Variants in NHSL1 observed in about 807,000 individuals in gnomAD.
NHSL1 encodes the protein NHS-like protein 1.
Under a neutral mutation model 95.0 loss-of-function variants are expected in NHSL1, and 48 were observed. The ratio of observed to expected loss-of-function variants is 0.51; its 90% CI spans 0.40 to 0.64. The LOEUF (loss-of-function observed/expected upper bound fraction) is 0.64. NHSL1 is among the 30% of genes least tolerant of loss of function. NHSL1 has a pLI of 0.00. For missense variants in NHSL1, 1,971 were observed against 2,077.7 expected, an observed-to-expected ratio of 0.95 and a Z score of 1.00; for synonymous variants, 783 against 833.9, an observed-to-expected ratio of 0.94 and a Z score of 1.05.
chr6:138,428,785 G>A (rs950886396), intron 7 of NHSL1, among the ~76,000 whole-genome samples: 2 of 151,844 alleles, frequency 1.3e-5, no homozygotes, highest in African/African-American at 2.4e-5. Context: ...CTTTGTTTCA[G>A]GAGGTTAAAA....
At chr6:138,449,163 G>C (rs2128222305) in intron 3 of NHSL1, among the ~76,000 whole-genome samples, 2 of 152,186 alleles carry the variant, frequency 1.3e-5, no homozygotes, top group Non-Finnish European at 1.5e-5. Flanking sequence ...AACTACTAGG[G>C]CTCTATAAAT....
intron 1 of NHSL1, among the ~76,000 whole-genome samples, chr6:138,648,327 G>A (rs1785046134): frequency 7.1e-6 from 1 of 141,204 alleles, no homozygotes; most frequent in African/African-American, 2.7e-5. Context: ...TCATGGCTAT[G>A]TTTTAATAAA....
intron 1 of NHSL1, among the ~76,000 whole-genome samples, chr6:138,646,062 G>T (rs553709510): frequency 6.6e-6 from 1 of 152,162 alleles, no homozygotes; most frequent in Non-Finnish European, 1.5e-5. Context: ...CTTAGTACAA[G>T]TTCTCAAGAA....
chr6:138,449,369 T>C (rs1200346317), intron 3 of NHSL1, among the ~76,000 whole-genome samples: 2 of 152,162 alleles, frequency 1.3e-5, no homozygotes, highest in East Asian at 3.9e-4. Flanking sequence ...TTAAAGTGTC[T>C]ATGACTGTTA....
Position 138,465,710 on chromosome 6 carries a change from C to T in NHSL1, c.339+7596G>A, listed in dbSNP as rs537869936. On this transcript the variant is annotated intron_variant, in intron 3 of 7. Coordinates refer to ENST00000343505, the MANE Select transcript of NHSL1 (RefSeq NM_001144060.2). ...TGCAGCATCTGATATATCTCCTACA[C>T]TTTTTTTTCTTTTCTTTTTTTTTTT... Among the ~76,000 whole-genome samples, 25 of 148,098 alleles carry T rather than the reference C, an allele frequency of 1.7e-4. No individual in the cohort carries two copies. The East Asian group carries it at 4.0e-3, about 24-fold the overall frequency.
chr6:138,687,052 A>G (rs1447548287), intron 1 of NHSL1, among the ~76,000 whole-genome samples: 1 of 152,174 alleles, frequency 6.6e-6, no homozygotes, highest in East Asian at 1.9e-4. Context: ...CCTCTCTAGC[A>G]TGTGGTATGT....
chr6:138,625,798 T>C (rs1052009970), intron 1 of NHSL1, among the ~76,000 whole-genome samples: 1 of 152,034 alleles, frequency 6.6e-6, no homozygotes, highest in Non-Finnish European at 1.5e-5. Flanking sequence ...CACACCACCA[T>C]GCCCAGCTAA....
chr6:138,692,299 T>C lies in NHSL1; in HGVS notation c.96+177A>G, dbSNP rs1426719903. The stretch of plus-strand genomic sequence containing the variant: ...GGAGTCCGAAAGTCACAGAGCGCTC[T>C]GCGCCCCTGCCACCTGCCCAGCCTC... On this transcript the variant is annotated intron_variant, in intron 1 of 3. Coordinates refer to the NHSL1 transcript ENST00000491526. The surrounding 1 kb of genome is among the most constrained non-coding windows in gnomAD (Gnocchi z 4.0). 1 of 395,552 alleles carries C rather than the reference T, an allele frequency of 2.5e-6. No individual in the cohort carries two copies. Among genetic ancestry groups the C allele is most frequent in the Admixed American group, 2.9e-5 (1 of 34,288 alleles). The allele number at this position is 395,552 out of a possible 1,614,324, so 24.5% of individuals were successfully genotyped here.
intron 1 of NHSL1, among the ~76,000 whole-genome samples, chr6:138,657,379 T>C (rs1328957815): frequency 6.6e-6 from 1 of 152,196 alleles, no homozygotes; most frequent in Non-Finnish European, 1.5e-5. Flanking sequence ...ATTACACTTG[T>C]TAACATAGTA....
intron 1 of NHSL1, among the ~76,000 whole-genome samples, chr6:138,521,615 T>A (rs1781687524): frequency 2.0e-5 from 3 of 152,188 alleles, no homozygotes; most frequent in Admixed American, 2.0e-4. Flanking sequence ...CATTTTAGGT[T>A]GGCACTGGAA....
chr6:138,591,993 G>A (rs1784236550), intron 1 of NHSL1, among the ~76,000 whole-genome samples: 1 of 152,180 alleles, frequency 6.6e-6, no homozygotes, highest in African/African-American at 2.4e-5. Flanking sequence ...GATAAAGGGA[G>A]ACGACTGTAA....
At chr6:138,670,480 A>C (rs1038698570) in intron 1 of NHSL1, among the ~76,000 whole-genome samples, 1 of 151,144 alleles carries the variant, frequency 6.6e-6, no homozygotes, top group African/African-American at 2.4e-5. Context: ...TCCCGGCTAA[A>C]ACGGTGAAAC....
intron 7 of NHSL1, among the ~76,000 whole-genome samples, chr6:138,428,021 A>G (rs1775376023): frequency 1.3e-5 from 2 of 152,218 alleles, no homozygotes; most frequent in Admixed American, 1.3e-4. Flanking sequence ...ACGTCCTAGT[A>G]AGAGAAACAA....
intron 3 of NHSL1, among the ~76,000 whole-genome samples, chr6:138,468,103 C>G (rs1359154373): frequency 1.3e-5 from 2 of 152,106 alleles, no homozygotes; most frequent in East Asian, 1.9e-4. Context: ...ATTTATAAAG[C>G]CTGCAATAGT....
At position 138,499,196 on chromosome 6, in the gene NHSL1, C is replaced by T. The variant is rs1014064484; in HGVS notation, c.58+37G>A. 1.1e-5 allele frequency: 15 copies of T among 1,320,770 alleles called. No individual in the cohort carries two copies. In the East Asian group the frequency reaches 2.3e-4, roughly 20 times the overall value. The allele number at this position is 1,320,770 out of a possible 1,614,324, so 81.8% of individuals were successfully genotyped here. ...ACATATACACATATGGAAACATATG[C>T]ACACAATAGGTAGTAGAGAGAAAAG... On this transcript the variant is annotated intron_variant, in intron 1 of 7. Coordinates refer to ENST00000343505, the MANE Select transcript of NHSL1 (RefSeq NM_001144060.2).
chr6:138,546,513 G>T (rs1782808569), upstream of NHSL1, among the ~76,000 whole-genome samples: 2 of 151,480 alleles, frequency 1.3e-5, no homozygotes, highest in Non-Finnish European at 2.9e-5. Flanking sequence ...GGAGGCTGAG[G>T]AGGGAGGATT....
At chr6:138,554,911 A>G (rs1174886885) in intron 1 of NHSL1, among the ~76,000 whole-genome samples, 1 of 152,240 alleles carries the variant, frequency 6.6e-6, no homozygotes, top group African/African-American at 2.4e-5. Context: ...TTGAAACTTC[A>G]GGAATAGTGA....
At chr6:138,546,120 T>C (rs1032370941), upstream of NHSL1, among the ~76,000 whole-genome samples, 6 of 152,192 alleles carry the variant, frequency 3.9e-5, no homozygotes, top group African/African-American at 1.4e-4. Flanking sequence ...TCCCCTTTTT[T>C]TTCTAATATA....
chr6:138,608,132 A>G (rs1784459254), intron 1 of NHSL1, among the ~76,000 whole-genome samples: 1 of 152,244 alleles, frequency 6.6e-6, no homozygotes, highest in African/African-American at 2.4e-5. Flanking sequence ...ACACTTTCTC[A>G]AAGGACATAT....
Sources: gnomAD v4.1 joint callset for allele counts (sites outside exome capture counted in the v4.1 genomes callset) on GRCh38, gnomAD v4.1.1 for gene constraint, Gnocchi (gnomAD v3.1) non-coding constraint, MANE v1.5 for transcripts, NCBI Gene and HGNC (gene_info 2026-07-23, HGNC 2026-07-21) for gene names.